The following HDAC9 variants were observed in gnomAD, a reference collection of about 807,000 sequenced individuals.
HDAC9 encodes the protein histone deacetylase 9, also known as MEF-2 interacting transcription repressor (MITR) protein.
A neutral mutation model predicts 139.4 loss-of-function variants in HDAC9; 41 were observed. That is an observed-to-expected ratio of 0.29 (90% CI 0.23 to 0.38). The LOEUF is 0.38. Ranked by LOEUF, HDAC9 falls within the 10% of genes least tolerant of loss-of-function variation. HDAC9 has a pLI of 1.00. For missense variants in HDAC9, 1,147 were observed against 1,297.0 expected (o/e 0.88, Z 1.78); for synonymous variants, 517 against 476.2 (o/e 1.09, Z -1.12).
At chr7:18,422,827 C>T (rs1460701546) in intron 1 of HDAC9, among the ~76,000 whole-genome samples, 1 of 151,834 alleles carries the variant, frequency 6.6e-6, no homozygotes, top group East Asian at 1.9e-4. Context: ...TATTTTTTTC[C>T]CCTCTCAAGA....
intron 6 of HDAC9, among the ~76,000 whole-genome samples, chr7:18,612,770 A>G (rs1184065438): frequency 6.6e-6 from 1 of 152,100 alleles, no homozygotes; most frequent in Non-Finnish European, 1.5e-5. Flanking sequence ...ATTTAGTCAG[A>G]AAGAGAATGG....
chr7:18,676,500 A>G (rs1781520973), intron 12 of HDAC9, among the ~76,000 whole-genome samples: 1 of 152,172 alleles, frequency 6.6e-6, no homozygotes, highest in African/African-American at 2.4e-5. Flanking sequence ...GTGAAGAATA[A>G]GTCTACTTTA....
At chr7:18,299,797 G>T (rs1441172791) in intron 1 of HDAC9, among the ~76,000 whole-genome samples, 1 of 152,192 alleles carries the variant, frequency 6.6e-6, no homozygotes, top group African/African-American at 2.4e-5. Context: ...CTGCAATGTA[G>T]ATCTGAAGCA....
intron 1 of HDAC9, among the ~76,000 whole-genome samples, chr7:18,324,010 C>T (rs1345383866): frequency 2.0e-5 from 3 of 150,836 alleles, no homozygotes; most frequent in Admixed American, 1.3e-4. Context: ...TTTATAAGAG[C>T]ACTAACCTCA....
At chr7:18,484,882 A>G (rs1795858791) in intron 1 of HDAC9, among the ~76,000 whole-genome samples, 1 of 152,038 alleles carries the variant, frequency 6.6e-6, no homozygotes, top group Non-Finnish European at 1.5e-5. Context: ...AACGTAAAAA[A>G]TTTTAGTTCA....
intron 1 of HDAC9, among the ~76,000 whole-genome samples, chr7:18,384,558 CCCTTAACA>C (rs1785739100): frequency 6.6e-6 from 1 of 151,888 alleles, no homozygotes; most frequent in African/African-American, 2.4e-5. Context: ...TTTTTGAATT[CCCTTAACA>C]GCTTATTGAA....
intron 2 of HDAC9, among the ~76,000 whole-genome samples, chr7:18,510,037 T>C (rs2128183885): frequency 6.6e-6 from 1 of 152,342 alleles, no homozygotes; most frequent in South Asian, 2.1e-4. Context: ...TTTTAAAAAA[T>C]GATTTCTTCT....
intron 2 of HDAC9, among the ~76,000 whole-genome samples, chr7:18,201,331 T>C (rs1349035591): frequency 6.6e-6 from 1 of 152,202 alleles, no homozygotes; most frequent in Non-Finnish European, 1.5e-5. Flanking sequence ...ACCATTCTCT[T>C]TGTGTTCTGA....
intron 11 of HDAC9, among the ~76,000 whole-genome samples, chr7:18,653,637 G>C (rs1790093837): frequency 6.6e-6 from 1 of 152,058 alleles, no homozygotes; most frequent in South Asian, 2.1e-4. Flanking sequence ...ATATATCTAA[G>C]ACAAGACCAG....
intron 1 of HDAC9, among the ~76,000 whole-genome samples, chr7:18,337,945 G>A (rs1781704574): frequency 6.6e-6 from 1 of 151,650 alleles, no homozygotes; most frequent in Non-Finnish European, 1.5e-5. Flanking sequence ...TCCTTCTCTG[G>A]TGAGTTCAAA....
At position 18,154,812 on chromosome 7, in the gene HDAC9, G is replaced by A. The variant is rs893573896; in HGVS notation, c.-96-7417G>A. ...CTCTTAATTACAATGATGGCTAAAG[G>A]TCTTTTGTGTTTGGCTAGCTGATCA... On this transcript the variant is annotated intron_variant, in intron 1 of 12. Coordinates refer to the HDAC9 transcript ENST00000417496. 2.0e-5 allele frequency among the ~76,000 whole-genome samples: 3 copies of A among 152,280 alleles called. No homozygotes were observed. The East Asian group carries it at 5.8e-4, about 29-fold the overall frequency.
intron 2 of HDAC9, among the ~76,000 whole-genome samples, chr7:18,171,507 C>A (rs1229205177): frequency 2.0e-5 from 3 of 152,192 alleles, no homozygotes; most frequent in Non-Finnish European, 4.4e-5. Context: ...TGAGAGAGGG[C>A]ATCCCTGTCT....
intron 16 of HDAC9, among the ~76,000 whole-genome samples, chr7:18,792,676 G>C (rs947748829): frequency 1.3e-5 from 2 of 152,140 alleles, no homozygotes; most frequent in African/African-American, 4.8e-5. Context: ...AGTTTGAACT[G>C]AAACAATCTG....
At chr7:18,685,197 G>C (rs1026216898) in intron 12 of HDAC9, among the ~76,000 whole-genome samples, 11 of 151,986 alleles carry the variant, frequency 7.2e-5, no homozygotes, top group African/African-American at 2.7e-4. Context: ...GGAATCTACT[G>C]GTGTTTTGCT....
chr7:18,890,221 T>C (rs1800558228), intron 22 of HDAC9, among the ~76,000 whole-genome samples: 1 of 152,206 alleles, frequency 6.6e-6, no homozygotes, highest in Non-Finnish European at 1.5e-5. Flanking sequence ...TCAAAAGAGC[T>C]CTGGATTATA....
intron 24 of HDAC9, among the ~76,000 whole-genome samples, chr7:18,962,092 C>T (rs142086081): frequency 2.0e-5 from 3 of 152,244 alleles, no homozygotes; most frequent in African/African-American, 7.2e-5. Flanking sequence ...CACTTTTGAG[C>T]CCCTTATAAA....
chr7:18,278,271 C>T (rs568692265), intron 2 of HDAC9, among the ~76,000 whole-genome samples: 1 of 152,282 alleles, frequency 6.6e-6, no homozygotes, highest in South Asian at 2.1e-4. Flanking sequence ...AAGAGATTAG[C>T]TTCGTGTCTA....
At chr7:18,780,180 A>G (rs1791126421) in intron 16 of HDAC9, among the ~76,000 whole-genome samples, 1 of 152,034 alleles carries the variant, frequency 6.6e-6, no homozygotes, top group Admixed American at 6.6e-5. Context: ...CTCACAAATC[A>G]TTGAAATGAC....
At chr7:18,826,609 A>G (rs967693210) in intron 17 of HDAC9, among the ~76,000 whole-genome samples, 1 of 150,386 alleles carries the variant, frequency 6.6e-6, no homozygotes, top group African/African-American at 2.5e-5. Flanking sequence ...CGTTCAAGGA[A>G]TTTGGCTGTA....
Sources: gnomAD v4.1 joint callset for allele counts (sites outside exome capture counted in the v4.1 genomes callset) on GRCh38, gnomAD v4.1.1 for gene constraint, MANE v1.5 for transcripts, NCBI Gene and HGNC (gene_info 2026-07-23, HGNC 2026-07-21) for gene names.